The following NCKAP5 variants were observed in gnomAD, a reference collection of about 807,000 sequenced individuals.
NCKAP5 encodes nck-associated protein 5.
In NCKAP5, 92 loss-of-function variants were observed where a neutral mutation model predicts 167.0. That is an observed-to-expected ratio of 0.55 (90% CI 0.47 to 0.66). The LOEUF (loss-of-function observed/expected upper bound fraction) is 0.66, where lower values mean the gene tolerates loss of function less well. NCKAP5 is among the 30% of genes least tolerant of loss of function. The pLI is 0.00. For synonymous variants in NCKAP5, 891 were observed against 877.4 expected (o/e 1.02, Z -0.27); for missense variants, 2,378 against 2,315.0 (o/e 1.03, Z -0.56).
At chr2:133,105,864 A>AT (rs565063591) in intron 6 of NCKAP5, among the ~76,000 whole-genome samples, 20 of 152,156 alleles carry the variant, frequency 1.3e-4, no homozygotes, top group South Asian at 2.1e-4. Context: ...GTTTTTAGTG[A>AT]TTTTTTCTCC....
intron 8 of NCKAP5, among the ~76,000 whole-genome samples, chr2:132,923,428 A>C (rs1413925263): frequency 6.6e-6 from 1 of 152,212 alleles, no homozygotes; most frequent in Non-Finnish European, 1.5e-5. Context: ...GCCTGCTTGC[A>C]AGGGGTCACA....
chr2:132,782,245 G>C lies in NCKAP5; in HGVS notation c.4566C>G (p.Ser1522Arg). 1.2e-6 allele frequency: 2 copies of C among 1,613,848 alleles called. No homozygotes were observed. ...FRKSRLPALS[S>R]RKMDISKTKV... ...TGGTTTTGGAGATGTCCATTTTCCTGCTACTCAGAGCTGGAAGTCTACTCT... is the reference window on the plus strand; with the variant it reads ...TGGTTTTGGAGATGTCCATTTTCCTCCTACTCAGAGCTGGAAGTCTACTCT... Residue 1522 changes from serine (S) to arginine (R), a missense_variant, in exon 14 of 20, where the codon AGC (serine) becomes AGG (arginine). Physicochemically the swap from Ser to Arg is moderately radical, Grantham distance 110. Around this residue, in one of 3 missense-constraint regions of NCKAP5, gnomAD observed 1,325 missense variants for 1,274.5 expected, o/e 1.04. Transcript: ENST00000409261.
Position 132,849,725 on chromosome 2 carries a change from G to A in NCKAP5, c.807+10767C>T, listed in dbSNP as rs144416814. ...AGAGGGGATGTGAATCTCAGCCTGC[G>A]TGGATCTTAGTGGCCTTTCACTTCT... On this transcript the variant is annotated intron_variant, in intron 11 of 19. Coordinates refer to ENST00000409261, the MANE Select transcript of NCKAP5 (RefSeq NM_207363.3). Among the ~76,000 whole-genome samples the A allele has an allele frequency of 3.2e-4, 48 of 152,282 alleles. No homozygotes were observed. The East Asian group carries it at 5.8e-3, about 18-fold the overall frequency.
intron 5 of NCKAP5, among the ~76,000 whole-genome samples, chr2:133,177,604 T>C: frequency 6.6e-6 from 1 of 152,156 alleles, no homozygotes; most frequent in East Asian, 1.9e-4. Context: ...CACAGGTTTG[T>C]AAAACTGTGG....
Position 133,158,776 on chromosome 2 carries a change from A to G in NCKAP5, c.208-28665T>C, listed in dbSNP as rs1033969579. Reference sequence around the variant, plus strand: ...GATTAGCCACTGGTTCAATAACACAATATCATGCCTCATTGATTACCCATC... The same window carrying G: ...GATTAGCCACTGGTTCAATAACACAGTATCATGCCTCATTGATTACCCATC... On this transcript the variant is annotated intron_variant, in intron 5 of 19. Coordinates refer to ENST00000409261, the MANE Select transcript of NCKAP5 (RefSeq NM_207363.3). Among the ~76,000 whole-genome samples the G allele has an allele frequency of 4.6e-5, 7 of 152,246 alleles. No individual in the cohort carries two copies. The East Asian group carries it at 1.4e-3, about 30-fold the overall frequency.
rs539439372 is a variant in NCKAP5 at position 132,806,940 on chromosome 2, G to A, written c.808-10211C>T. 1.1e-3 allele frequency among the ~76,000 whole-genome samples: 164 copies of A among 152,206 alleles called. 1 individual carries two copies. The highest frequency in any genetic ancestry group is 1.7e-3 in the African/African-American group (72 of 41,546). The stretch of plus-strand genomic sequence containing the variant: ...TCTTGAGTTGATTTTTGTATGAGGC[G>A]AGAGGTAAGGATCTAGTTTCATTCT... On this transcript the variant is annotated intron_variant, in intron 11 of 19. Coordinates refer to ENST00000409261, the MANE Select transcript of NCKAP5 (RefSeq NM_207363.3).
At chr2:133,669,002 A>T in the NCKAP5 span, among the ~76,000 whole-genome samples, 1 of 152,198 alleles carries the variant, frequency 6.6e-6, no homozygotes, top group African/African-American at 2.4e-5. Flanking sequence ...AGGTCAAATT[A>T]TGACAATTTG....
At chr2:133,446,048 A>G (rs1182412213) in intron 3 of NCKAP5, among the ~76,000 whole-genome samples, 1 of 152,176 alleles carries the variant, frequency 6.6e-6, no homozygotes, top group Non-Finnish European at 1.5e-5. Flanking sequence ...GTCTTAATGC[A>G]AGACAGACTT....
At chr2:133,531,237 A>G (rs1685337095) in intron 2 of NCKAP5, among the ~76,000 whole-genome samples, 1 of 152,116 alleles carries the variant, frequency 6.6e-6, no homozygotes, top group African/African-American at 2.4e-5. Context: ...TAAATATTTT[A>G]TTAATAACTT....
chr2:133,305,384 T>C (rs1238343960), intron 3 of NCKAP5, among the ~76,000 whole-genome samples: 1 of 152,214 alleles, frequency 6.6e-6, no homozygotes, highest in Non-Finnish European at 1.5e-5. Context: ...GGATAAATAA[T>C]GCTTCATTTA....
chr2:132,951,441 T>G (rs2149146456), intron 8 of NCKAP5, among the ~76,000 whole-genome samples: 1 of 152,374 alleles, frequency 6.6e-6, no homozygotes, highest in Non-Finnish European at 1.5e-5. Flanking sequence ...CTGGTGTTTA[T>G]AATCTCTCCT....
chr2:133,323,377 T>C (rs1270232852), intron 3 of NCKAP5, among the ~76,000 whole-genome samples: 2 of 152,238 alleles, frequency 1.3e-5, no homozygotes, highest in Non-Finnish European at 2.9e-5. Context: ...TCTCATATTT[T>C]TATTCCAGCT....
At position 132,765,156 on chromosome 2, in the gene NCKAP5, C is replaced by A. The variant is rs547755242; in HGVS notation, c.5128+8660G>T. On this transcript the variant is annotated intron_variant, in intron 16 of 19. Coordinates refer to ENST00000409261, the MANE Select transcript of NCKAP5 (RefSeq NM_207363.3). Reference sequence around the variant, plus strand: ...TAGTGGCAAATTAATCCAAGTTCAACATATTTTCTCAAAAAGTTACTCAAG... The same window carrying A: ...TAGTGGCAAATTAATCCAAGTTCAAAATATTTTCTCAAAAAGTTACTCAAG... Among the ~76,000 whole-genome samples, 5 of 152,302 alleles carry A rather than the reference C, an allele frequency of 3.3e-5. No homozygotes were observed. In the East Asian group the frequency reaches 7.7e-4, roughly 23 times the overall value.
At chr2:132,967,900 A>G (rs531106806) in intron 7 of NCKAP5, among the ~76,000 whole-genome samples, 1 of 152,208 alleles carries the variant, frequency 6.6e-6, no homozygotes, top group Non-Finnish European at 1.5e-5. Flanking sequence ...TGCTAACAAC[A>G]GAGTGAGGCT....
intron 5 of NCKAP5, among the ~76,000 whole-genome samples, chr2:133,185,611 T>C (rs2084913741): frequency 6.6e-6 from 1 of 152,222 alleles, no homozygotes; most frequent in Admixed American, 6.5e-5. Context: ...AAAATATTTT[T>C]CCATATATTT....
rs572489109 is a variant in NCKAP5 at position 133,274,849 on chromosome 2, C to T, written c.143+28188G>A. The stretch of plus-strand genomic sequence containing the variant: ...ACCTAAACTCAGATTAAAAACTAAA[C>T]ATAAAAAGCAAATTTATAAGACTTT... On this transcript the variant is annotated intron_variant, in intron 4 of 19. Transcript: ENST00000409261. Among the ~76,000 whole-genome samples the T allele has an allele frequency of 1.1e-4, 17 of 151,494 alleles. No homozygotes were observed. In the South Asian group the frequency reaches 2.5e-3, roughly 22 times the overall value.
chr2:133,110,048 C>T (rs2081856794), intron 6 of NCKAP5, among the ~76,000 whole-genome samples: 1 of 152,144 alleles, frequency 6.6e-6, no homozygotes, highest in Admixed American at 6.5e-5. Flanking sequence ...CATCATCTGC[C>T]AGCCTTGCAG....
At chr2:133,630,980 G>C in the NCKAP5 span, among the ~76,000 whole-genome samples, 8 of 152,256 alleles carry the variant, frequency 5.3e-5, no homozygotes, top group South Asian at 1.7e-3. Flanking sequence ...GTTCATTTTA[G>C]TATCATTTAT....
At chr2:132,919,348 G>A (rs1695128458) in intron 8 of NCKAP5, among the ~76,000 whole-genome samples, 1 of 152,186 alleles carries the variant, frequency 6.6e-6, no homozygotes, top group Non-Finnish European at 1.5e-5. Context: ...TAAAGAAGGT[G>A]GAGGCGCAGA....
Sources: gnomAD v4.1 joint callset for allele counts (sites outside exome capture counted in the v4.1 genomes callset) on GRCh38, gnomAD v4.1.1 for gene constraint, gnomAD v4.1.1 regional missense constraint, MANE v1.5 for transcripts, NCBI Gene and HGNC (gene_info 2026-07-23, HGNC 2026-07-21) for gene names.